LGSN: variants seen among roughly 807,000 people sequenced by gnomAD.
LGSN encodes the protein lengsin, lens protein with glutamine synthetase domain, also known as lengsin.
LGSN carries 21 observed loss-of-function variants against 19.5 expected under a neutral mutation model. The ratio of observed to expected loss-of-function variants is 1.07; its 90% CI spans 0.76 to 1.55. The LOEUF (loss-of-function observed/expected upper bound fraction) is 1.55, where lower values mean the gene tolerates loss of function less well. LGSN is among the 40% of genes most tolerant of loss of function. The probability of loss-of-function intolerance (pLI) is 0.00; values close to 1 mark genes in which losing one functional copy is unlikely to be tolerated. For missense variants in LGSN, 673 were observed against 608.5 expected (o/e 1.11, Z -1.12); for synonymous variants, 257 against 215.6 (o/e 1.19, Z -1.68).
chr6:63,476,107 T>A, the LGSN span, among the ~76,000 whole-genome samples: 1 of 152,214 alleles, frequency 6.6e-6, no homozygotes, highest in Admixed American at 6.5e-5. Context: ...TTGGTTTTTT[T>A]TACTGATAGA....
At chr6:63,339,163 A>G in the LGSN span, among the ~76,000 whole-genome samples, 4 of 152,138 alleles carry the variant, frequency 2.6e-5, no homozygotes, top group Non-Finnish European at 2.9e-5. Context: ...GTTAGATGAA[A>G]TGTTCTGTAA....
the LGSN span, among the ~76,000 whole-genome samples, chr6:63,417,000 C>T: frequency 6.6e-6 from 1 of 151,884 alleles, no homozygotes; most frequent in Non-Finnish European, 1.5e-5. Context: ...ATAAAATACA[C>T]AGTCCTTATC....
chr6:63,567,805 T>C, the LGSN span, among the ~76,000 whole-genome samples: 2 of 152,254 alleles, frequency 1.3e-5, no homozygotes, highest in Admixed American at 6.5e-5. Context: ...TGTTATTTAG[T>C]GTAGCCACCT....
chr6:63,437,453 ACTCT>A, the LGSN span, among the ~76,000 whole-genome samples: 1 of 151,598 alleles, frequency 6.6e-6, no homozygotes, highest in Non-Finnish European at 1.5e-5. Context: ...ACAGAGTCTC[ACTCT>A]CTCGCCCAGG....
the LGSN span, among the ~76,000 whole-genome samples, chr6:63,454,793 CT>C: frequency 2.9e-4 from 27 of 91,748 alleles, no homozygotes; most frequent in East Asian, 5.0e-3. Flanking sequence ...TTTTCTTTTT[CT>C]TTTTTTTTTT....
the LGSN span, among the ~76,000 whole-genome samples, chr6:63,334,998 C>T: frequency 1.3e-5 from 2 of 151,708 alleles, no homozygotes; most frequent in Admixed American, 6.6e-5. Context: ...AAAAAACTAG[C>T]TGAGCATGGT....
At chr6:63,285,785 G>T in intron 2 of LGSN, 32 bp from the exon 3 acceptor site, 1 of 1,596,100 alleles carries the variant, frequency 6.3e-7, no homozygotes, top group Non-Finnish European at 8.6e-7. Context: ...TCTAACTCAC[G>T]AGATCATGAT....
At chr6:63,352,786 A>C in the LGSN span, among the ~76,000 whole-genome samples, 1 of 152,044 alleles carries the variant, frequency 6.6e-6, no homozygotes, top group Non-Finnish European at 1.5e-5. Context: ...TGTTCCCCTC[A>C]CATTTCTTGG....
the LGSN span, among the ~76,000 whole-genome samples, chr6:63,512,962 G>T: frequency 6.6e-6 from 1 of 152,194 alleles, no homozygotes; most frequent in African/African-American, 2.4e-5. Flanking sequence ...TTTGTATTGG[G>T]AATGCTTTCA....
chr6:63,376,500 A>C, the LGSN span, among the ~76,000 whole-genome samples: 7 of 152,212 alleles, frequency 4.6e-5, no homozygotes, highest in African/African-American at 1.7e-4. Flanking sequence ...TAGAAAAATC[A>C]CTATGCTCAG....
At chr6:63,326,541 C>A in the LGSN span, among the ~76,000 whole-genome samples, 63 of 152,308 alleles carry the variant, frequency 4.1e-4, 1 homozygote, top group Non-Finnish European at 4.6e-4. Flanking sequence ...CAGGAGCCCA[C>A]GGAGGAGGTG....
the LGSN span, among the ~76,000 whole-genome samples, chr6:63,520,764 A>T: frequency 6.6e-6 from 1 of 152,120 alleles, no homozygotes; most frequent in African/African-American, 2.4e-5. Flanking sequence ...TGTCAATATG[A>T]TTAGTGTCAG....
In LGSN at chr6:63,315,529, C is replaced by T. The variant is rs898021862; in HGVS notation, c.30+4385G>A. 1.4e-4 allele frequency among the ~76,000 whole-genome samples: 22 copies of T among 151,894 alleles called. 1 individual carries two copies. The highest frequency in any genetic ancestry group is 7.9e-4 in the Admixed American group (12 of 15,218). ...CCCTCAATATCAGGCCTTTTCACCA[C>T]GGTTATGATTACCCCACTTAAGATA... On this transcript the variant is annotated intron_variant, in intron 1 of 3. Transcript: ENST00000370657.
upstream of LGSN, among the ~76,000 whole-genome samples, chr6:63,323,773 CT>C (rs150256951): frequency 0.087 from 10,985 of 126,116 alleles, 557 homozygotes; most frequent in African/African-American, 0.17. Context: ...TTTTTGCATT[CT>C]TTTTTTTTTT....
intron 1 of LGSN, among the ~76,000 whole-genome samples, chr6:63,313,908 A>G (rs1768735828): frequency 6.6e-6 from 1 of 152,050 alleles, no homozygotes; most frequent in South Asian, 2.1e-4. Context: ...ACATACATAT[A>G]CACATATATA....
At chr6:63,488,518 A>G in the LGSN span, among the ~76,000 whole-genome samples, 2 of 152,282 alleles carry the variant, frequency 1.3e-5, no homozygotes, top group South Asian at 2.1e-4. Context: ...AGGGAAATTC[A>G]TCTCTTCATT....
the LGSN span, among the ~76,000 whole-genome samples, chr6:63,472,585 G>A: frequency 5.3e-5 from 8 of 152,186 alleles, no homozygotes; most frequent in African/African-American, 1.9e-4. Flanking sequence ...CCACTGTTTT[G>A]GGACAATCCT....
chr6:63,475,653 G>A, the LGSN span, among the ~76,000 whole-genome samples: 6 of 152,050 alleles, frequency 3.9e-5, no homozygotes, highest in African/African-American at 9.7e-5. Flanking sequence ...TAGTGGGCAG[G>A]GACTGACTGA....
chr6:63,549,561 T>A, the LGSN span: 70 of 610,234 alleles, frequency 1.1e-4, no homozygotes, highest in South Asian at 1.4e-3. Context: ...TTGACAAGAT[T>A]TGAAGTTTTT....
Sources: allele counts gnomAD v4.1 joint callset (sites outside exome capture counted in the v4.1 genomes callset), GRCh38; gene constraint gnomAD v4.1.1; transcripts MANE v1.5; gene names NCBI Gene and HGNC (gene_info 2026-07-23, HGNC 2026-07-21).